The following IER3IP1 variants were observed in gnomAD, a reference collection of about 807,000 sequenced individuals.
IER3IP1 encodes immediate early response 3 interacting protein 1, also known as immediate early response 3-interacting protein 1.
IER3IP1 carries 16 observed loss-of-function variants against 12.2 expected under a neutral mutation model. The observed-to-expected ratio is 1.31, with a 90% CI of 0.89 to 1.99. IER3IP1 has a LOEUF of 1.99. Among genes scored for constraint, IER3IP1 ranks in the 30% most tolerant of loss-of-function variants. The pLI is 0.00. For synonymous variants in IER3IP1, 42 were observed against 40.0 expected (o/e 1.05, Z -0.19); for missense variants, 95 against 95.8 (o/e 0.99, Z 0.03).
intron 1 of IER3IP1, among the ~76,000 whole-genome samples, chr18:47,160,176 C>G (rs555790524): frequency 1.0e-4 from 15 of 148,422 alleles, no homozygotes; most frequent in African/African-American, 3.2e-4. Context: ...GCCTGGGCAA[C>G]AAGAGCAAAA....
intron 2 of IER3IP1, 146 bp downstream of exon 2, chr18:47,157,290 C>T: frequency 5.3e-6 from 3 of 570,780 alleles, no homozygotes; most frequent in Non-Finnish European, 6.0e-6. Flanking sequence ...AAAAAAAAAA[C>T]CCAGTAACTT....
In IER3IP1 at chr18:47,168,738, T is replaced by C. The variant is rs565512005; in HGVS notation, c.91+7449A>G. Reference sequence around the variant, plus strand: ...GTGCACATATTTATGAGCATTTGTATAAGAGTGAAACTGTAGGACCATAGA... The same window carrying C: ...GTGCACATATTTATGAGCATTTGTACAAGAGTGAAACTGTAGGACCATAGA... On this transcript the variant is annotated intron_variant, in intron 1 of 2. Transcript: ENST00000256433. 2.0e-5 allele frequency among the ~76,000 whole-genome samples: 3 copies of C among 152,330 alleles called. No homozygotes were observed. The South Asian group carries it at 6.2e-4, about 32-fold the overall frequency.
At chr18:47,170,436 C>A (rs2064011626) in intron 1 of IER3IP1, among the ~76,000 whole-genome samples, 1 of 151,942 alleles carries the variant, frequency 6.6e-6, no homozygotes, top group African/African-American at 2.4e-5. Flanking sequence ...TTCAAAAAAG[C>A]TAACTGGGAT....
chr18:47,157,981 C>T (rs1328916999), intron 1 of IER3IP1, among the ~76,000 whole-genome samples: 1 of 152,186 alleles, frequency 6.6e-6, no homozygotes, highest in African/African-American at 2.4e-5. Flanking sequence ...CTGAGAATCA[C>T]TGTCTACATT....
Position 47,157,495 on chromosome 18 carries a change from T to C in IER3IP1, c.134A>G (p.Glu45Gly). Residue 45 changes from glutamate (E) to glycine (G), a missense_variant, in exon 2 of 3, where the codon GAG becomes GGG. Transcript: ENST00000256433. ...CATTAGCTGTGATTTAATTCCCGGC[T>C]CTTCTCCAAATCCACCAATTCCCTG... ...TDQGIGGFGE[E>G]PGIKSQLMNL... 6.2e-7 allele frequency: 1 copy of C among 1,614,174 alleles called. No homozygotes were observed.
chr18:47,168,144 AAAAAAAAAAAAT>A lies in IER3IP1; in HGVS notation c.91+8031_91+8042del, dbSNP rs1484944402. On this transcript the variant is annotated intron_variant, in intron 1 of 2. Transcript: ENST00000256433. ...CCGTCTCAAAAAAAAAAAAAAAAAA[AAAAAAAAAAAAT>A]TTTAGCTAGGTGGTGGTGGGTTCCT... Among the ~76,000 whole-genome samples, 266 of 144,114 alleles carry A rather than the reference AAAAAAAAAAAAT, an allele frequency of 1.8e-3. 10 individuals are homozygous for A. The highest frequency in any genetic ancestry group is 6.6e-3 in the African/African-American group (252 of 38,396). The allele number at this position is 144,114 out of a possible 152,430, so 94.5% of individuals were successfully genotyped here.
intron 1 of IER3IP1, among the ~76,000 whole-genome samples, chr18:47,171,575 C>T (rs2064015519): frequency 6.6e-6 from 1 of 152,188 alleles, no homozygotes. Flanking sequence ...TTACTTGAGT[C>T]TAGTCAGTCT....
chr18:47,162,989 T>G (rs11875768), intron 1 of IER3IP1, among the ~76,000 whole-genome samples: 11,996 of 152,062 alleles, frequency 0.079, 549 homozygotes, highest in Non-Finnish European at 0.098. Context: ...AGGGAGAGTT[T>G]GAGAAGTATG....
intron 1 of IER3IP1, among the ~76,000 whole-genome samples, chr18:47,173,200 G>A (rs1028345195): frequency 2.0e-5 from 3 of 151,968 alleles, no homozygotes; most frequent in Non-Finnish European, 2.9e-5. Context: ...TTCTTACCTA[G>A]CACCATCACC....
At chr18:47,157,976 A>G (rs1267215364) in intron 1 of IER3IP1, among the ~76,000 whole-genome samples, 1 of 152,224 alleles carries the variant, frequency 6.6e-6, no homozygotes, top group East Asian at 1.9e-4. Flanking sequence ...TGTAGCTGAG[A>G]ATCACTGTCT....
rs1300999952 is a variant in IER3IP1, at chr18:47,154,097, A to C, written c.*2080T>G. On this transcript the variant is annotated 3_prime_UTR_variant, in exon 3 of 3. Coordinates refer to ENST00000256433, the MANE Select transcript of IER3IP1 (RefSeq NM_016097.5). Reference sequence around the variant, plus strand: ...AAACACAGGGCCAGAATACATAAGGACTATAAACATCATCGGTATTTGGAG... The same window carrying C: ...AAACACAGGGCCAGAATACATAAGGCCTATAAACATCATCGGTATTTGGAG... 4 of 152,284 alleles carry C rather than the reference A, an allele frequency of 2.6e-5. No individual in the cohort carries two copies. The highest frequency in any genetic ancestry group is 5.9e-5 in the Non-Finnish European group (4 of 68,072). 9.4% of individuals were successfully genotyped at this position (152,284 alleles called of 1,614,324 possible). A position where few individuals can be genotyped will look rare whatever the true frequency, so the allele number is the denominator to read the frequency against.
At chr18:47,170,141 A>ATATGGCTATTCAGTTATTAT (rs2064010705) in intron 1 of IER3IP1, among the ~76,000 whole-genome samples, 1 of 152,048 alleles carries the variant, frequency 6.6e-6, no homozygotes, top group African/African-American at 2.4e-5. Flanking sequence ...ACTTTTTTTT[A>ATATGGCTATTCAGTTATTAT]TATGGCTATT....
chr18:47,167,417 C>T (rs1180698806), intron 1 of IER3IP1, among the ~76,000 whole-genome samples: 1 of 152,200 alleles, frequency 6.6e-6, no homozygotes, highest in Admixed American at 6.5e-5. Flanking sequence ...TTGGAAAATA[C>T]ACACTACTGA....
In IER3IP1 at chr18:47,167,053, G is replaced by GTTT. The variant is rs773345227; in HGVS notation, c.91+9131_91+9133dup. ...TGGGCCATTCTAATAGTTTGTAGCA[G>GTTT]TTTTTTTTTTTTTCTGAGATGGAGT... On this transcript the variant is annotated intron_variant, in intron 1 of 2. Coordinates refer to ENST00000256433, the MANE Select transcript of IER3IP1 (RefSeq NM_016097.5). Among the ~76,000 whole-genome samples, 5 of 146,102 alleles carry GTTT rather than the reference G, an allele frequency of 3.4e-5. No individual in the cohort carries two copies. The South Asian group carries it at 1.1e-3, about 32-fold the overall frequency.
intron 2 of IER3IP1, 95 bp downstream of exon 2, chr18:47,157,341 C>G (rs2063964467): frequency 3.9e-6 from 4 of 1,016,200 alleles, no homozygotes; most frequent in Non-Finnish European, 6.1e-6. Context: ...AAAATTCCCA[C>G]TACAAATGGC....
rs1272673794 is a variant in IER3IP1 at position 47,154,863 on chromosome 18, G to C, written c.*1314C>G. 1.3e-5 allele frequency: 2 copies of C among 152,024 alleles called. No individual in the cohort carries two copies. Among genetic ancestry groups the C allele is most frequent in the African/African-American group, 4.8e-5 (2 of 41,360 alleles). 9.4% of individuals were successfully genotyped at this position (152,024 alleles called of 1,614,324 possible). The stretch of plus-strand genomic sequence containing the variant: ...AAAGGTGCTCATGAGTCTTCTGGAT[G>C]TATGTCAGCAATTCAGTTAATTCAC... On this transcript the variant is annotated 3_prime_UTR_variant, in exon 3 of 3. Coordinates refer to ENST00000256433, the MANE Select transcript of IER3IP1 (RefSeq NM_016097.5).
chr18:47,156,323 T>C, intron 2 of IER3IP1, 91 bp from the exon 3 acceptor site: 1 of 730,778 alleles, frequency 1.4e-6, no homozygotes, highest in Non-Finnish European at 2.4e-6. Context: ...ACAATAGAAA[T>C]ATCTAACAAT....
At chr18:47,158,028 G>A (rs1029243396) in intron 1 of IER3IP1, among the ~76,000 whole-genome samples, 7 of 152,048 alleles carry the variant, frequency 4.6e-5, no homozygotes, top group Admixed American at 2.6e-4. Flanking sequence ...TGGTAAAGTG[G>A]GAGTCAATCA....
At position 47,176,202 on chromosome 18, in the gene IER3IP1, G is replaced by A. The variant is rs765871767; in HGVS notation, c.76C>T (p.Arg26Ter). The A allele has an allele frequency of 3.1e-6, 5 of 1,600,462 alleles. No individual in the cohort carries two copies. The highest frequency in any genetic ancestry group is 4.3e-6 in the Non-Finnish European group (5 of 1,173,846). ...TCCCACTCACTGTTCTTGAGGAATC[G>A]CTCCTCGTGCAGCACTGCGATGGCG... is the stretch of plus-strand genomic sequence containing the variant. Reference protein sequence around the residue: ...VNAIAVLHEERFLKNIGWGTD... With the variant: ...VNAIAVLHEE The change falls in exon 1 of 3, where the codon CGA becomes TGA. Residue 26 changes from arginine to a stop codon, truncating the protein, a stop_gained. Coordinates refer to ENST00000256433, the MANE Select transcript of IER3IP1 (RefSeq NM_016097.5). LOFTEE classifies it high-confidence loss of function.
Sources: gnomAD v4.1 joint callset for allele counts (sites outside exome capture counted in the v4.1 genomes callset) on GRCh38, gnomAD v4.1.1 for gene constraint, MANE v1.5 for transcripts, NCBI Gene and HGNC (gene_info 2026-07-23, HGNC 2026-07-21) for gene names.